CELSR2: variants seen among roughly 807,000 people sequenced by gnomAD.
The protein encoded by CELSR2 is cadherin EGF LAG seven-pass G-type receptor 2, also known as EGF-like protein 2.
Under a neutral mutation model 251.6 loss-of-function variants are expected in CELSR2, and 81 were observed. That is an observed-to-expected ratio of 0.32 (90% CI 0.27 to 0.39). The LOEUF (loss-of-function observed/expected upper bound fraction) is 0.39. Among genes scored for constraint, CELSR2 ranks in the 10% least tolerant of loss-of-function variants. The pLI, the probability that CELSR2 is intolerant of heterozygous loss-of-function variation, is 1.00. For synonymous variants in CELSR2, 1,721 were observed against 1,670.5 expected, an observed-to-expected ratio of 1.03 and a Z score of -0.74; for missense variants, 3,365 against 3,947.7, an observed-to-expected ratio of 0.85 and a Z score of 3.96.
rs374519231 is a variant in CELSR2, at chr1:109,269,442, C to T, written c.6831C>T (p.Ile2277=). ...ACATCAGAGTCCCCAAACGCCCGAT[C>T]ATCAACACACCCGTGGTGAGCATCA... ...KRSLRVPKRP[I]INTPVVSISV... Residue 2277 remains isoleucine, a synonymous_variant, in exon 21 of 34, where the codon ATC becomes ATT. Coordinates refer to ENST00000271332, the MANE Select transcript of CELSR2 (RefSeq NM_001408.3). The surrounding 1 kb of genome is among the most constrained non-coding windows in gnomAD (Gnocchi z 6.4). 8.1e-6 allele frequency: 13 copies of T among 1,613,874 alleles called. No individual in the cohort carries two copies. Among genetic ancestry groups the T allele is most frequent in the Non-Finnish European group, 6.8e-6 (8 of 1,179,924 alleles).
At chr1:109,270,301 C>A in intron 23 of CELSR2, 125 bp from the exon 24 acceptor site, 2 of 1,311,480 alleles carry the variant, frequency 1.5e-6, no homozygotes, top group Non-Finnish European at 2.1e-6. Context: ...CCAGCACCTG[C>A]CTCTGGCCCA....
chr1:109,270,947 C>G lies in CELSR2; in HGVS notation c.7504C>G (p.Pro2502Ala). 6.2e-7 allele frequency: 1 copy of G among 1,613,834 alleles called. No homozygotes were observed. The highest frequency in any genetic ancestry group is 8.5e-7 in the Non-Finnish European group (1 of 1,179,888). ...FITGLAVGLD[P>A]EGYGNPDFCW... ...TCCAGGGCTAGCCGTGGGCCTGGAC[C>G]CCGAGGGCTACGGGAACCCTGACTT... The change falls in exon 25 of 34, where the codon CCC (proline) becomes GCC (alanine). Residue 2502 changes from proline to alanine, a missense_variant. Physicochemically the swap from Pro to Ala is conservative, Grantham distance 27. Around this residue, in one of 5 missense-constraint regions of CELSR2, gnomAD observed 2,093 missense variants for 2,382.8 expected, o/e 0.88. Transcript: ENST00000271332.
At chr1:109,270,664 T>TGGAGAG in intron 24 of CELSR2, 64 bp downstream of exon 24, 1 of 1,562,694 alleles carries the variant, frequency 6.4e-7, no homozygotes, top group Non-Finnish European at 8.7e-7. Flanking sequence ...TGCCATGTTC[T>TGGAGAG]CTCCACCCAC....
In CELSR2 at chr1:109,273,572, A is replaced by G. The variant is rs766950570; in HGVS notation, c.8646A>G (p.Pro2882=). The change falls in exon 33 of 34, where the codon CCA becomes CCG. Residue 2882 remains proline (P), a synonymous_variant. Coordinates refer to ENST00000271332, the MANE Select transcript of CELSR2 (RefSeq NM_001408.3). ...EGSRGGPPPR[P]PPRQSLQEQL... ...GCCGGGGAGGCCCCCCTCCCCGCCC[A>G]CCGCCCCGGCAGAGCCTCCAGGAGC... 2.2e-4 allele frequency: 350 copies of G among 1,561,348 alleles called. 2 individuals carry two copies. Among genetic ancestry groups the G allele is most frequent in the Middle Eastern group, 1.4e-3 (8 of 5,782 alleles).
chr1:109,268,786 G>C (rs756471297), intron 18 of CELSR2, 22 bp downstream of exon 18: 1 of 1,588,076 alleles, frequency 6.3e-7, no homozygotes, highest in Non-Finnish European at 8.6e-7. Context: ...GCCTGGGTTG[G>C]GGAGGGGTTT....
rs1656365223 is a variant in CELSR2 at position 109,271,308 on chromosome 1, G to A, written c.7676+12G>A. The A allele has an allele frequency of 6.2e-7, 1 of 1,613,932 alleles. No homozygotes were observed. Among genetic ancestry groups the A allele is most frequent in the Non-Finnish European group, 8.5e-7 (1 of 1,180,004 alleles). On this transcript the variant is annotated intron_variant, in intron 26 of 33. Transcript: ENST00000271332. ...AAGAAAGGTCCTGTGTGAGTATAGG[G>A]TTGGGGTGCCTGGGCCATGGGCAGG...
chr1:109,253,429 C>A, intron 1 of CELSR2, 40 bp downstream of exon 1: 1 of 1,583,224 alleles, frequency 6.3e-7, no homozygotes, highest in Admixed American at 1.7e-5. Context: ...GGGGGTAGCT[C>A]GCGGGGATGG....
chr1:109,270,455 G>A lies in CELSR2; in HGVS notation c.7338G>A (p.Leu2446=). The change falls in exon 24 of 34, where the codon CTG becomes CTA. Residue 2446 remains leucine, a synonymous_variant. Coordinates refer to ENST00000271332, the MANE Select transcript of CELSR2 (RefSeq NM_001408.3). ...CCTGCACAGTCATTGCCATCCTGCT[G>A]CACTTCCTGTACCTCTGCACCTTTT... ...PFACTVIAIL[L]HFLYLCTFSW... is the part of the protein sequence containing the mutation. 6.2e-7 allele frequency: 1 copy of A among 1,614,214 alleles called. No individual in the cohort carries two copies. Among genetic ancestry groups the A allele is most frequent in the African/African-American group, 1.3e-5 (1 of 75,052 alleles).
At chr1:109,264,673 G>A in intron 11 of CELSR2, 45 bp downstream of exon 11, 1 of 1,596,030 alleles carries the variant, frequency 6.3e-7, no homozygotes, top group Non-Finnish European at 8.6e-7. Context: ...CAGGTGCCTG[G>A]GGCCACATGC....
At chr1:109,260,828 C>T (rs774542770) in intron 2 of CELSR2, among the ~76,000 whole-genome samples, 1 of 152,082 alleles carries the variant, frequency 6.6e-6, no homozygotes, top group Non-Finnish European at 1.5e-5. Context: ...GTGGCGAGAG[C>T]GGCTCAGTGA....
At position 109,250,328 on chromosome 1, in the gene CELSR2, G is replaced by T; in HGVS notation, c.249G>T (p.Leu83=). Residue 83 remains leucine (L), a synonymous_variant, in exon 1 of 34, where the codon CTG becomes CTT. Coordinates refer to ENST00000271332, the MANE Select transcript of CELSR2 (RefSeq NM_001408.3). The surrounding 1 kb of genome is among the most constrained non-coding windows in gnomAD (Gnocchi z 4.4). The part of the protein sequence containing the change: ...RDAGTELTGH[L]VPHHDGLRVW... ...CGGGCACTGAGCTGACTGGCCACCT[G>T]GTACCCCACCACGATGGCCTGAGGG... is the stretch of plus-strand genomic sequence containing the variant. 6.2e-7 allele frequency: 1 copy of T among 1,613,446 alleles called. No homozygotes were observed. Among genetic ancestry groups the T allele is most frequent in the Non-Finnish European group, 8.5e-7 (1 of 1,180,008 alleles).
chr1:109,270,620 GTCTTGGGGTC>G lies in CELSR2; in HGVS notation c.7483+21_7483+30del. The G allele has an allele frequency of 2.0e-6, 1 of 495,356 alleles. No homozygotes were observed. Among genetic ancestry groups the G allele is most frequent in the South Asian group, 3.1e-5 (1 of 32,592 alleles). 30.7% of individuals were successfully genotyped at this position (495,356 alleles called of 1,614,324 possible). The stretch of plus-strand genomic sequence containing the variant: ...TCACAGGTACTCCCACCCATTCCCA[GTCTTGGGGTC>G]CCACATCCCTGGGTCCACCTTTGTG... On this transcript the variant is annotated intron_variant, in intron 24 of 33. Coordinates refer to ENST00000271332, the MANE Select transcript of CELSR2 (RefSeq NM_001408.3).
intron 13 of CELSR2, 37 bp from the exon 14 acceptor site, chr1:109,265,698 G>A: frequency 6.3e-7 from 1 of 1,588,882 alleles, no homozygotes; most frequent in Non-Finnish European, 8.6e-7. Flanking sequence ...TGGGAAGAGA[G>A]CCTGGCCAGT....
In CELSR2 at chr1:109,269,524, C is replaced by T; in HGVS notation, c.6913C>T (p.Gln2305Ter). The stretch of plus-strand genomic sequence containing the variant: ...GGCCCTGGACAAACCCGTCACGGTG[C>T]AGTTCCGCCTGCTGGAGACAGAGGA... ...PRALDKPVTV[Q>*]FRLLETEERT... is the part of the protein sequence containing the mutation. The change falls in exon 21 of 34, where the codon CAG becomes TAG. Residue 2305 changes from glutamine to a stop codon, truncating the protein, a stop_gained. Coordinates refer to ENST00000271332, the MANE Select transcript of CELSR2 (RefSeq NM_001408.3). LOFTEE classifies it high-confidence loss of function. The surrounding 1 kb of genome is among the most constrained non-coding windows in gnomAD (Gnocchi z 6.4). 6.2e-7 allele frequency: 1 copy of T among 1,614,158 alleles called. No individual in the cohort carries two copies. Among genetic ancestry groups the T allele is most frequent in the Non-Finnish European group, 8.5e-7 (1 of 1,180,036 alleles).
rs1405473412 is a variant in CELSR2 at position 109,261,376 on chromosome 1, G to C, written c.4181+112G>C. ...CAGTGAAAGCGTGGAGCAGGCTGCC[G>C]GCAGAGCCAGGTCTGCTCTTGGAGT... is the stretch of plus-strand genomic sequence containing the variant. On this transcript the variant is annotated intron_variant, in intron 3 of 33. Transcript: ENST00000271332. This position sits in a 1 kb window ranked among gnomAD's most constrained non-coding sequence, Gnocchi z 4.8. The C allele has an allele frequency of 1.0e-5, 14 of 1,342,194 alleles. No homozygotes were observed. The East Asian group carries it at 2.5e-4, about 24-fold the overall frequency. 83.1% of individuals were successfully genotyped at this position (1,342,194 alleles called of 1,614,324 possible). A position where few individuals can be genotyped will look rare whatever the true frequency, so the allele number is the denominator to read the frequency against.
chr1:109,273,380 C>T, intron 32 of CELSR2, 44 bp downstream of exon 32: 1 of 1,607,906 alleles, frequency 6.2e-7, no homozygotes, highest in Non-Finnish European at 8.5e-7. Flanking sequence ...TAGTCAGCAG[C>T]CTCATACCTC....
In CELSR2 at chr1:109,250,263, G is replaced by A; in HGVS notation, c.184G>A (p.Ala62Thr). 1.2e-6 allele frequency: 2 copies of A among 1,612,498 alleles called. No individual in the cohort carries two copies. The highest frequency in any genetic ancestry group is 8.5e-7 in the Non-Finnish European group (1 of 1,179,660). The change falls in exon 1 of 34, where the codon GCG becomes ACG. Residue 62 changes from alanine (A) to threonine (T), a missense_variant. Around this residue, in one of 5 missense-constraint regions of CELSR2, gnomAD observed 704 missense variants for 784.1 expected, o/e 0.90. Transcript: ENST00000271332. This position sits in a 1 kb window ranked among gnomAD's most constrained non-coding sequence, Gnocchi z 4.4. ...APMGWLCPSS[A>T]SNLWLYTSRC... ...CATGGGCTGGCTCTGTCCATCCTCA[G>A]CGTCGAACCTCTGGCTCTACACCAG...
At position 109,264,503 on chromosome 1, in the gene CELSR2, G is replaced by A. The variant is rs1346539715; in HGVS notation, c.5339G>A (p.Ser1780Asn). 1.9e-6 allele frequency: 3 copies of A among 1,614,002 alleles called. No individual in the cohort carries two copies. Among genetic ancestry groups the A allele is most frequent in the Non-Finnish European group, 2.5e-6 (3 of 1,180,008 alleles). The change falls in exon 11 of 34, where the codon AGC (serine) becomes AAC (asparagine). Residue 1780 changes from serine to asparagine, a missense_variant. This residue lies in a region of CELSR2 where 2,093 missense variants were observed against 2,382.8 expected (regional missense o/e 0.88). Transcript: ENST00000271332. ...TPEGVNSLDP[S>N]HGESINVEQG... ...GAGGGGGTTAACAGCCTGGATCCCA[G>A]CCATGGGGAGAGCATCAACGTGGAG...
intron 16 of CELSR2, 23 bp from the exon 17 acceptor site, chr1:109,267,828 C>T: frequency 6.3e-7 from 1 of 1,590,664 alleles, no homozygotes; most frequent in Non-Finnish European, 8.6e-7. Flanking sequence ...CTCACTCCTG[C>T]TCCTCCGCTC....
Sources: allele counts gnomAD v4.1 joint callset (sites outside exome capture counted in the v4.1 genomes callset), GRCh38; gene constraint gnomAD v4.1.1; regional missense constraint gnomAD v4.1.1; non-coding constraint Gnocchi (gnomAD v3.1); transcripts MANE v1.5; gene names NCBI Gene and HGNC (gene_info 2026-07-23, HGNC 2026-07-21).